SCMH1: variants seen among roughly 807,000 people sequenced by gnomAD.
SCMH1 encodes Scm polycomb group protein homolog 1, also known as polycomb protein SCMH1.
A neutral mutation model predicts 70.8 loss-of-function variants in SCMH1; 37 were observed. That is an observed-to-expected ratio of 0.52 (90% confidence interval 0.40 to 0.69). The LOEUF is 0.69. SCMH1 is among the 30% of genes least tolerant of loss of function. The probability of loss-of-function intolerance (pLI) is 0.00; values close to 1 mark genes in which losing one functional copy is unlikely to be tolerated. For missense variants in SCMH1, 607 were observed against 827.3 expected, an observed-to-expected ratio of 0.73 and a Z score of 3.27; for synonymous variants, 292 against 307.4, an observed-to-expected ratio of 0.95 and a Z score of 0.52.
rs759910639 is a variant in SCMH1, at chr1:41,065,713, AAT to A, written c.1105+4880_1105+4881del. ...AAGGAGTAAAGGCAATACAATAAAAAATAGAGAGTCTTTTCAACAAATGGTTC... is the reference window on the plus strand; with the variant it reads ...AAGGAGTAAAGGCAATACAATAAAAAAGAGAGTCTTTTCAACAAATGGTTC... On this transcript the variant is annotated intron_variant, in intron 10 of 14. Transcript: ENST00000337495. Among the ~76,000 whole-genome samples the A allele has an allele frequency of 2.1e-4, 32 of 152,222 alleles. 1 individual carries two copies. Among genetic ancestry groups the A allele is most frequent in the Non-Finnish European group, 7.3e-5 (5 of 68,038 alleles).
At chr1:41,082,527 T>C (rs1053780699) in intron 8 of SCMH1, among the ~76,000 whole-genome samples, 4 of 152,112 alleles carry the variant, frequency 2.6e-5, no homozygotes, top group Non-Finnish European at 4.4e-5. Context: ...AGAGATTTTG[T>C]CACCACCAGG....
intron 10 of SCMH1, among the ~76,000 whole-genome samples, chr1:41,052,917 C>T (rs1466439828): frequency 7.4e-6 from 1 of 134,780 alleles, no homozygotes; most frequent in East Asian, 2.2e-4. Flanking sequence ...AAATTGTAGG[C>T]TTTTTTTTTT....
At chr1:41,229,318 T>G (rs992219242) in intron 1 of SCMH1, among the ~76,000 whole-genome samples, 1 of 152,132 alleles carries the variant, frequency 6.6e-6, no homozygotes, top group East Asian at 1.9e-4. Context: ...CTATTCACAA[T>G]AGCAAAGACT....
intron 6 of SCMH1, among the ~76,000 whole-genome samples, chr1:41,142,334 G>T (rs1417462592): frequency 6.6e-6 from 1 of 152,128 alleles, no homozygotes; most frequent in African/African-American, 2.4e-5. Flanking sequence ...ATTTATTGAG[G>T]CAAAAGCTGG....
At chr1:41,054,781 T>C (rs1649620740) in intron 10 of SCMH1, among the ~76,000 whole-genome samples, 1 of 152,166 alleles carries the variant, frequency 6.6e-6, no homozygotes, top group Non-Finnish European at 1.5e-5. Context: ...CCCTCAAATT[T>C]CTTTGGTTTT....
At position 41,192,427 on chromosome 1, in the gene SCMH1, T is replaced by G. The variant is rs75057226; in HGVS notation, c.-117-6177A>C. ...TAACTTAGCCTCCTGTGCCTGAGTTTCCTCCGCAGCAAAATAAAGACAATA... is the reference window on the plus strand; with the variant it reads ...TAACTTAGCCTCCTGTGCCTGAGTTGCCTCCGCAGCAAAATAAAGACAATA... On this transcript the variant is annotated intron_variant, in intron 1 of 14. Transcript: ENST00000337495. Among the ~76,000 whole-genome samples, 1,393 of 151,900 alleles carry G rather than the reference T, an allele frequency of 9.2e-3. 9 individuals carry two copies. The highest frequency in any genetic ancestry group is 0.014 in the Middle Eastern group (4 of 294).
intron 8 of SCMH1, among the ~76,000 whole-genome samples, chr1:41,088,231 T>C (rs1035272262): frequency 2.0e-5 from 3 of 151,954 alleles, no homozygotes; most frequent in Non-Finnish European, 4.4e-5. Context: ...AAATGAAACA[T>C]TGGAGGATAA....
chr1:41,094,710 G>A (rs1334896006), intron 8 of SCMH1, among the ~76,000 whole-genome samples: 1 of 152,014 alleles, frequency 6.6e-6, no homozygotes, highest in Non-Finnish European at 1.5e-5. Context: ...CCAACATGAT[G>A]AAACCCCGTC....
chr1:41,156,535 C>T (rs1243527003), intron 4 of SCMH1, among the ~76,000 whole-genome samples: 1 of 152,104 alleles, frequency 6.6e-6, no homozygotes, highest in African/African-American at 2.4e-5. Context: ...ACCTCCCGGG[C>T]TCAAGCGATC....
chr1:41,220,581 C>T (rs17362187), intron 1 of SCMH1, among the ~76,000 whole-genome samples: 3,939 of 152,212 alleles, frequency 0.026, 67 homozygotes, highest in Middle Eastern at 0.044. Flanking sequence ...GGATAGGAAA[C>T]GAGGGGCAGA....
At position 41,229,079 on chromosome 1, in the gene SCMH1, C is replaced by T. The variant is rs779787222; in HGVS notation, c.-118+12980G>A. ...GGCATGATGGCACATGCCTGTAATC[C>T]CAGCTACTTGGGAGGCTGAGGCAGG... On this transcript the variant is annotated intron_variant, in intron 1 of 14. Transcript: ENST00000337495. Among the ~76,000 whole-genome samples the T allele has an allele frequency of 6.0e-4, 91 of 152,222 alleles. 1 individual carries two copies. The highest frequency in any genetic ancestry group is 2.1e-3 in the African/African-American group (86 of 41,528).
chr1:41,183,615 A>G (rs974148140), intron 2 of SCMH1, among the ~76,000 whole-genome samples: 1 of 152,194 alleles, frequency 6.6e-6, no homozygotes, highest in Non-Finnish European at 1.5e-5. Context: ...TAAGCCAATC[A>G]GTATTCCTAG....
intron 1 of SCMH1, among the ~76,000 whole-genome samples, chr1:41,212,644 T>C (rs1657265796): frequency 6.6e-6 from 1 of 152,094 alleles, no homozygotes; most frequent in Admixed American, 6.6e-5. Context: ...AGTCCAGTTT[T>C]CCTGAAAAAC....
In SCMH1 at chr1:41,050,720, C is replaced by G. The variant is rs755472724; in HGVS notation, c.1106-1830G>C. 2.0e-5 allele frequency among the ~76,000 whole-genome samples: 3 copies of G among 152,258 alleles called. No homozygotes were observed. The South Asian group carries it at 6.2e-4, about 32-fold the overall frequency. ...AGGAAGGTGGAAAGCGGACTGGAAA[C>G]GTAGCGACTGACTCAACAGACCCAA... On this transcript the variant is annotated intron_variant, in intron 10 of 14. Transcript: ENST00000337495.
chr1:41,240,908 G>T (rs950836454), intron 1 of SCMH1, among the ~76,000 whole-genome samples: 1 of 152,118 alleles, frequency 6.6e-6, no homozygotes, highest in African/African-American at 2.4e-5. Flanking sequence ...TAAGGGGATG[G>T]GGGAAACTAA....
At chr1:41,223,831 AT>A (rs1285843109) in intron 1 of SCMH1, among the ~76,000 whole-genome samples, 1 of 152,110 alleles carries the variant, frequency 6.6e-6, no homozygotes, top group Admixed American at 6.6e-5. Context: ...CTGCTCTGTC[AT>A]TTGCAAGGCT....
At chr1:41,093,035 A>G (rs141444909) in intron 8 of SCMH1, among the ~76,000 whole-genome samples, 11,871 of 152,216 alleles carry the variant, frequency 0.078, 593 homozygotes, top group South Asian at 0.13. Context: ...ATATACCCAA[A>G]GGATTATAAA....
At chr1:41,157,655 A>G (rs1289066640) in intron 4 of SCMH1, among the ~76,000 whole-genome samples, 1 of 152,214 alleles carries the variant, frequency 6.6e-6, no homozygotes, top group Non-Finnish European at 1.5e-5. Flanking sequence ...GAATCACAAT[A>G]TTCAAGCTAC....
chr1:41,194,819 A>G (rs1161514460), intron 1 of SCMH1, among the ~76,000 whole-genome samples: 1 of 152,174 alleles, frequency 6.6e-6, no homozygotes. Context: ...TTGTTTGTCT[A>G]ACTCAGAAGT....
Sources: allele counts gnomAD v4.1 joint callset (sites outside exome capture counted in the v4.1 genomes callset), GRCh38; gene constraint gnomAD v4.1.1; transcripts MANE v1.5; gene names NCBI Gene and HGNC (gene_info 2026-07-23, HGNC 2026-07-21).